DCHS2: variants seen among roughly 807,000 people sequenced by gnomAD.
The protein encoded by DCHS2 is dachsous cadherin-related 2.
A neutral mutation model predicts 182.4 loss-of-function variants in DCHS2; 142 were observed. The observed-to-expected ratio is 0.78, with a 90% CI of 0.68 to 0.89. The LOEUF (loss-of-function observed/expected upper bound fraction) is 0.89. Among genes scored for constraint, DCHS2 ranks in the 40% least tolerant of loss-of-function variants. The pLI is 0.00. For missense variants in DCHS2, 4,319 were observed against 4,198.6 expected (o/e 1.03, Z -0.79); for synonymous variants, 1,740 against 1,663.3 (o/e 1.05, Z -1.12).
Position 154,491,306 on chromosome 4 carries a change from G to T in DCHS2, c.50C>A (p.Ala17Asp), listed in dbSNP as rs974855125. 1 of 1,547,754 alleles carries T rather than the reference G, an allele frequency of 6.5e-7. No homozygotes were observed. The highest frequency in any genetic ancestry group is 8.7e-7 in the Non-Finnish European group (1 of 1,144,550). Residue 17 changes from alanine to aspartate, a missense_variant, in exon 1 of 20, where the codon GCT becomes GAT. Physicochemically the swap from Ala to Asp is moderately radical, Grantham distance 126. Coordinates refer to ENST00000357232, the MANE Select transcript of DCHS2 (RefSeq NM_001358235.2). ...KMGEGRQQRR[A>D]PVGKLLLLPG... ...GAGCAGAAGGAGCTTCCCGACCGGAGCCCGCCGCTGCTGACGCCCTTCGCC... is the reference window on the plus strand; with the variant it reads ...GAGCAGAAGGAGCTTCCCGACCGGATCCCGCCGCTGCTGACGCCCTTCGCC...
intron 5 of DCHS2, among the ~76,000 whole-genome samples, chr4:154,331,286 A>G (rs949654268): frequency 2.0e-5 from 3 of 152,222 alleles, no homozygotes; most frequent in Non-Finnish European, 4.4e-5. Flanking sequence ...TACTTGCTTA[A>G]AGCCATACAA....
intron 14 of DCHS2, among the ~76,000 whole-genome samples, chr4:154,267,725 G>A (rs567153425): frequency 3.9e-5 from 6 of 151,924 alleles, no homozygotes; most frequent in Non-Finnish European, 5.9e-5. Context: ...CTAGCTTTAC[G>A]GCAATTAGAG....
chr4:154,392,569 G>A (rs556844506), intron 1 of DCHS2, among the ~76,000 whole-genome samples: 9 of 152,212 alleles, frequency 5.9e-5, no homozygotes, highest in African/African-American at 1.9e-4. Flanking sequence ...CCTGCAAAAG[G>A]GTCATAGTCA....
At chr4:154,354,061 G>A (rs1009821599) in intron 3 of DCHS2, among the ~76,000 whole-genome samples, 1 of 152,108 alleles carries the variant, frequency 6.6e-6, no homozygotes, top group Non-Finnish European at 1.5e-5. Context: ...AGAGTAGCTG[G>A]TACTACAGGC....
chr4:154,334,308 G>T (rs887584840), intron 4 of DCHS2: 1 of 153,212 alleles, frequency 6.5e-6, no homozygotes, highest in African/African-American at 2.4e-5. Context: ...TCCTGCAGAG[G>T]TTCCTCTACA....
chr4:154,351,159 A>G (rs1578997091), intron 3 of DCHS2, among the ~76,000 whole-genome samples: 1 of 152,330 alleles, frequency 6.6e-6, no homozygotes, highest in South Asian at 2.1e-4. Context: ...GGAATGGTGG[A>G]CAACAGGTGG....
chr4:154,330,830 T>C (rs770010316), intron 5 of DCHS2, among the ~76,000 whole-genome samples: 1 of 152,180 alleles, frequency 6.6e-6, no homozygotes, highest in African/African-American at 2.4e-5. Context: ...TTAATATAGA[T>C]CATACACACA....
At chr4:154,336,286 T>G (rs1728805109) in intron 3 of DCHS2, among the ~76,000 whole-genome samples, 1 of 152,210 alleles carries the variant, frequency 6.6e-6, no homozygotes, top group Non-Finnish European at 1.5e-5. Flanking sequence ...ATGAATTATT[T>G]AATATTATTA....
intron 1 of DCHS2, among the ~76,000 whole-genome samples, chr4:154,449,047 C>G (rs1407859266): frequency 6.6e-6 from 1 of 152,094 alleles, no homozygotes; most frequent in African/African-American, 2.4e-5. Flanking sequence ...CTGACACACT[C>G]CCACAAACAC....
chr4:154,275,409 T>C (rs1053625172), intron 13 of DCHS2, among the ~76,000 whole-genome samples: 2 of 152,116 alleles, frequency 1.3e-5, no homozygotes, highest in African/African-American at 2.4e-5. Context: ...AAGAAGTCAT[T>C]TAGTGACAAA....
At chr4:154,399,711 C>T (rs1732078531) in intron 1 of DCHS2, among the ~76,000 whole-genome samples, 1 of 152,186 alleles carries the variant, frequency 6.6e-6, no homozygotes, top group African/African-American at 2.4e-5. Flanking sequence ...TGCACCAAAG[C>T]AGAATCCGAA....
At chr4:154,376,665 A>C (rs890022789) in intron 2 of DCHS2, among the ~76,000 whole-genome samples, 5 of 152,208 alleles carry the variant, frequency 3.3e-5, no homozygotes, top group African/African-American at 1.2e-4. Flanking sequence ...TGATGCAATA[A>C]GAAGCAAATG....
At chr4:154,371,507 C>T (rs1213754451) in intron 2 of DCHS2, among the ~76,000 whole-genome samples, 2 of 152,030 alleles carry the variant, frequency 1.3e-5, no homozygotes, top group Non-Finnish European at 2.9e-5. Context: ...ACCACGAGTT[C>T]CAAAGGGCAT....
chr4:154,464,694 T>C (rs1735164046), intron 1 of DCHS2, among the ~76,000 whole-genome samples: 1 of 152,198 alleles, frequency 6.6e-6, no homozygotes, highest in East Asian at 1.9e-4. Context: ...GGAACTTACA[T>C]GGGTTCCAGC....
chr4:154,489,807 G>C lies in DCHS2; in HGVS notation c.1549C>G (p.Pro517Ala). The C allele has an allele frequency of 6.4e-7, 1 of 1,551,558 alleles. No homozygotes were observed. Among genetic ancestry groups the C allele is most frequent in the South Asian group, 1.2e-5 (1 of 84,052 alleles). Residue 517 changes from proline (P) to alanine (A), a missense_variant, in exon 1 of 20, where the codon CCG becomes GCG. By Grantham distance (27) the Pro-to-Ala change is conservative. Transcript: ENST00000357232. ...LLLVATDAGS[P>A]PLSTEETLLL... ...AGCGTCTCCTCCGTGCTCAGCGGCG[G>C]GGACCCCGCGTCCGTGGCCACCAGT...
At position 154,235,509 on chromosome 4, in the gene DCHS2, A is replaced by T. The variant is rs1211336587; in HGVS notation, c.9143T>A (p.Val3048Glu). The T allele has an allele frequency of 6.2e-7, 1 of 1,614,004 alleles. No individual in the cohort carries two copies. The highest frequency in any genetic ancestry group is 1.3e-5 in the African/African-American group (1 of 74,932). The change falls in exon 20 of 20, where the codon GTG (valine) becomes GAG (glutamate). Residue 3048 changes from valine (V) to glutamate (E), a missense_variant. Coordinates refer to ENST00000357232, the MANE Select transcript of DCHS2 (RefSeq NM_001358235.2). ...ADLRVTRDAS[V>E]LKAFQKTDDC... Reference sequence around the variant, plus strand: ...GTCAGTTTTCTGGAAGGCTTTGAGCACACTGGCATCCCGGGTCACTCTCAA... The same window carrying T: ...GTCAGTTTTCTGGAAGGCTTTGAGCTCACTGGCATCCCGGGTCACTCTCAA...
rs374183572 is a variant in DCHS2 at position 154,297,842 on chromosome 4, G to A, written c.6463+9C>T. The A allele has an allele frequency of 1.9e-6, 3 of 1,598,558 alleles. No individual in the cohort carries two copies. Among genetic ancestry groups the A allele is most frequent in the Non-Finnish European group, 2.6e-6 (3 of 1,172,234 alleles). Reference sequence around the variant, plus strand: ...GTACAATATATGAAAAACTTGAAGGGACACTCACCTGCCTCACAATTTTCA... The same window carrying A: ...GTACAATATATGAAAAACTTGAAGGAACACTCACCTGCCTCACAATTTTCA... On this transcript the variant is annotated intron_variant, in intron 13 of 19. Coordinates refer to ENST00000357232, the MANE Select transcript of DCHS2 (RefSeq NM_001358235.2).
chr4:154,408,302 A>T (rs1732481632), intron 1 of DCHS2, among the ~76,000 whole-genome samples: 1 of 152,174 alleles, frequency 6.6e-6, no homozygotes, highest in South Asian at 2.1e-4. Context: ...AAATATTATG[A>T]TGGTGCCAGA....
chr4:154,244,954 T>G (rs1194862294), intron 16 of DCHS2, among the ~76,000 whole-genome samples: 4 of 152,140 alleles, frequency 2.6e-5, no homozygotes, highest in Admixed American at 2.6e-4. Context: ...GACATCAAAG[T>G]TAAGTTTCTA....
Sources: gnomAD v4.1 joint callset for allele counts (sites outside exome capture counted in the v4.1 genomes callset) on GRCh38, gnomAD v4.1.1 for gene constraint, MANE v1.5 for transcripts, NCBI Gene and HGNC (gene_info 2026-07-23, HGNC 2026-07-21) for gene names.